Variants in NEK7 observed in about 807,000 individuals in gnomAD.
NEK7 encodes NIMA related kinase 7, also known as serine/threonine-protein kinase Nek7.
In NEK7, 18 loss-of-function variants were observed where a neutral mutation model predicts 44.6. The observed-to-expected ratio is 0.40, with a 90% CI of 0.28 to 0.60. The LOEUF (loss-of-function observed/expected upper bound fraction) is 0.60, where lower values mean the gene tolerates loss of function less well. Ranked by LOEUF, NEK7 falls within the 20% of genes least tolerant of loss-of-function variation. NEK7 has a pLI of 0.38. For synonymous variants in NEK7, 130 were observed against 121.1 expected (o/e 1.07, Z -0.48); for missense variants, 256 against 366.5 (o/e 0.70, Z 2.46).
At chr1:198,164,365 T>C (rs867497806) in intron 1 of NEK7, among the ~76,000 whole-genome samples, 23 of 152,114 alleles carry the variant, frequency 1.5e-4, no homozygotes, top group Admixed American at 2.6e-4. Context: ...GTAAGAAAAA[T>C]CCTGCTATTT....
At chr1:198,314,599 AGG>A (rs1224817214) in intron 9 of NEK7, among the ~76,000 whole-genome samples, 2 of 152,124 alleles carry the variant, frequency 1.3e-5, no homozygotes, top group Non-Finnish European at 2.9e-5. Flanking sequence ...GGTGATGTAC[AGG>A]TGGGTTTTTG....
At chr1:198,298,820 G>A (rs758986917) in intron 9 of NEK7, among the ~76,000 whole-genome samples, 22 of 152,316 alleles carry the variant, frequency 1.4e-4, no homozygotes, top group Middle Eastern at 6.8e-3. Flanking sequence ...AGGAGATGCC[G>A]AGTGCAGCAG....
At chr1:198,306,584 A>G (rs1223953349) in intron 9 of NEK7, among the ~76,000 whole-genome samples, 1 of 152,160 alleles carries the variant, frequency 6.6e-6, no homozygotes, top group Non-Finnish European at 1.5e-5. Flanking sequence ...AAATAACTCT[A>G]CGATCTTAAA....
At chr1:198,174,705 T>C (rs912429793) in intron 1 of NEK7, among the ~76,000 whole-genome samples, 4 of 152,036 alleles carry the variant, frequency 2.6e-5, no homozygotes, top group Non-Finnish European at 4.4e-5. Context: ...TTCAGCAGCA[T>C]CAAGAGGAAT....
chr1:198,231,153 A>G (rs1026026921), intron 1 of NEK7, among the ~76,000 whole-genome samples: 2 of 149,786 alleles, frequency 1.3e-5, no homozygotes, highest in African/African-American at 5.0e-5. Context: ...TATATAGAGT[A>G]GTAATAGTAC....
At chr1:198,187,232 A>G (rs1202125254) in intron 1 of NEK7, among the ~76,000 whole-genome samples, 1 of 152,144 alleles carries the variant, frequency 6.6e-6, no homozygotes, top group African/African-American at 2.4e-5. Context: ...AAACAGTCCA[A>G]TTATGTGCCA....
intron 8 of NEK7, among the ~76,000 whole-genome samples, chr1:198,294,297 A>G (rs1654647390): frequency 6.6e-6 from 1 of 152,052 alleles, no homozygotes; most frequent in African/African-American, 2.4e-5. Context: ...ATTACAAGAA[A>G]TTACGCTCAC....
At chr1:198,303,260 T>G (rs1274630129) in intron 9 of NEK7, among the ~76,000 whole-genome samples, 1 of 152,192 alleles carries the variant, frequency 6.6e-6, no homozygotes, top group Non-Finnish European at 1.5e-5. Context: ...AGTTACAGTT[T>G]GTCATAATTT....
chr1:198,249,931 G>T (rs1373563386), intron 2 of NEK7, among the ~76,000 whole-genome samples: 1 of 147,262 alleles, frequency 6.8e-6, no homozygotes, highest in Non-Finnish European at 1.5e-5. Flanking sequence ...TGCTTTTGGT[G>T]TTTTAGACAT....
At chr1:198,174,369 G>GT (rs2102727872) in intron 1 of NEK7, among the ~76,000 whole-genome samples, 1 of 145,898 alleles carries the variant, frequency 6.9e-6, no homozygotes, top group East Asian at 2.1e-4. Context: ...TTTATGCTTG[G>GT]TAAAAAAAAA....
chr1:198,317,754 T>TA (rs1655410938), intron 9 of NEK7, among the ~76,000 whole-genome samples: 1 of 152,110 alleles, frequency 6.6e-6, no homozygotes, highest in Non-Finnish European at 1.5e-5. Context: ...TTCTTGTTTT[T>TA]ATCTCTAAAG....
intron 1 of NEK7, among the ~76,000 whole-genome samples, chr1:198,199,412 G>GCACAC (rs1320160895): frequency 6.6e-6 from 1 of 152,220 alleles, no homozygotes; most frequent in Non-Finnish European, 1.5e-5. Context: ...GATCTGCACA[G>GCACAC]CACACCATAG....
chr1:198,166,518 T>C (rs1664273769), intron 1 of NEK7, among the ~76,000 whole-genome samples: 2 of 152,198 alleles, frequency 1.3e-5, no homozygotes, highest in Non-Finnish European at 2.9e-5. Flanking sequence ...GGGTGACTCT[T>C]TCTTTCACTC....
In NEK7 at chr1:198,183,970, T is replaced by C. The variant is rs185700108; in HGVS notation, c.-29+26694T>C. On this transcript the variant is annotated intron_variant, in intron 1 of 9. Coordinates refer to ENST00000367385, the MANE Select transcript of NEK7 (RefSeq NM_133494.3). ...TATTGTAAGTGGATATCTTGGAATG[T>C]AGGTGCCTACCCTGGGCTTACTTGA... Among the ~76,000 whole-genome samples the C allele has an allele frequency of 9.2e-5, 14 of 152,358 alleles. No individual in the cohort carries two copies. The East Asian group carries it at 2.7e-3, about 29-fold the overall frequency.
Position 198,262,661 on chromosome 1 carries a change from T to G in NEK7, c.261+24T>G, listed in dbSNP as rs745547194. The G allele has an allele frequency of 4.3e-6, 6 of 1,410,942 alleles. No individual in the cohort carries two copies. The Admixed American group carries it at 5.8e-5, about 14-fold the overall frequency. 87.4% of individuals were successfully genotyped at this position (1,410,942 alleles called of 1,614,324 possible). ...AGGTAATTAATGAACTGTTGACTCTTTTGAACATAACATGGTGATAAAAGT... is the reference window on the plus strand; with the variant it reads ...AGGTAATTAATGAACTGTTGACTCTGTTGAACATAACATGGTGATAAAAGT... On this transcript the variant is annotated intron_variant, in intron 4 of 9. Transcript: ENST00000367385.
At chr1:198,174,771 G>T (rs562203891) in intron 1 of NEK7, among the ~76,000 whole-genome samples, 34 of 147,862 alleles carry the variant, frequency 2.3e-4, no homozygotes, top group South Asian at 8.5e-4. Context: ...TGTTTTTTTT[G>T]GGGGGGGACA....
At chr1:198,291,376 T>C (rs1240276916) in intron 7 of NEK7, among the ~76,000 whole-genome samples, 4 of 152,202 alleles carry the variant, frequency 2.6e-5, no homozygotes, top group Non-Finnish European at 5.9e-5. Flanking sequence ...GTGTCACTTA[T>C]GCAAACTACA....
At chr1:198,241,393 G>A (rs1269394345) in intron 2 of NEK7, among the ~76,000 whole-genome samples, 1 of 152,082 alleles carries the variant, frequency 6.6e-6, no homozygotes, top group Non-Finnish European at 1.5e-5. Flanking sequence ...TTCAGTGTTG[G>A]GGCACAAGTA....
chr1:198,161,956 G>A (rs1009188104), intron 1 of NEK7, among the ~76,000 whole-genome samples: 5 of 151,948 alleles, frequency 3.3e-5, no homozygotes, highest in African/African-American at 9.7e-5. Context: ...GCAAGGGGTT[G>A]GGCAAATTTT....
Sources: allele counts gnomAD v4.1 joint callset (sites outside exome capture counted in the v4.1 genomes callset), GRCh38; gene constraint gnomAD v4.1.1; transcripts MANE v1.5; gene names NCBI Gene and HGNC (gene_info 2026-07-23, HGNC 2026-07-21).